Variants in SORCS3 observed in about 807,000 individuals in gnomAD.
SORCS3 encodes the protein VPS10 domain-containing receptor SorCS3.
In SORCS3, 57 loss-of-function variants were observed where a neutral mutation model predicts 146.3. That is an observed-to-expected ratio of 0.39 (90% CI 0.31 to 0.49). The LOEUF is 0.49. Ranked by LOEUF, SORCS3 falls within the 20% of genes least tolerant of loss-of-function variation. The pLI is 0.92. For missense variants in SORCS3, 1,341 were observed against 1,575.5 expected, an observed-to-expected ratio of 0.85 and a Z score of 2.52; for synonymous variants, 653 against 618.5, an observed-to-expected ratio of 1.06 and a Z score of -0.83.
intron 1 of SORCS3, among the ~76,000 whole-genome samples, chr10:104,660,281 T>G (rs1325076924): frequency 1.0e-5 from 1 of 98,456 alleles, no homozygotes; most frequent in Non-Finnish European, 2.1e-5. Flanking sequence ...GTTTTTTAAC[T>G]GAGAGTTTAT....
intron 17 of SORCS3, among the ~76,000 whole-genome samples, chr10:105,212,288 T>A (rs753202429): frequency 3.3e-4 from 51 of 152,318 alleles, no homozygotes; most frequent in Middle Eastern, 3.4e-3. Context: ...GGCTCAAGGA[T>A]CTTTGCTGTT....
At chr10:104,861,168 C>T (rs2018396798) in intron 2 of SORCS3, among the ~76,000 whole-genome samples, 1 of 152,186 alleles carries the variant, frequency 6.6e-6, no homozygotes, top group African/African-American at 2.4e-5. Context: ...AGGGACTTGT[C>T]AAACAGAAGC....
chr10:105,075,109 C>G (rs991958379), intron 5 of SORCS3, among the ~76,000 whole-genome samples: 1 of 152,168 alleles, frequency 6.6e-6, no homozygotes, highest in African/African-American at 2.4e-5. Context: ...AATTAACTCC[C>G]CGAATTCCTC....
intron 2 of SORCS3, among the ~76,000 whole-genome samples, chr10:104,850,444 G>T (rs570747881): frequency 2.6e-5 from 4 of 152,204 alleles, no homozygotes; most frequent in African/African-American, 9.6e-5. Flanking sequence ...AATTAGCCAG[G>T]CATGGCGGCA....
chr10:104,957,179 A>T (rs1208107546), intron 3 of SORCS3, among the ~76,000 whole-genome samples: 1 of 152,200 alleles, frequency 6.6e-6, no homozygotes, highest in Non-Finnish European at 1.5e-5. Flanking sequence ...AAGTGAAGAA[A>T]GCAAGGTGAA....
intron 4 of SORCS3, among the ~76,000 whole-genome samples, chr10:104,989,042 G>T (rs1440131044): frequency 1.3e-5 from 2 of 152,224 alleles, no homozygotes; most frequent in Non-Finnish European, 1.5e-5. Context: ...ATGAAGTGTG[G>T]AACACTTGTG....
At chr10:105,171,619 C>G (rs2056360950) in intron 13 of SORCS3, among the ~76,000 whole-genome samples, 1 of 152,182 alleles carries the variant, frequency 6.6e-6, no homozygotes, top group Non-Finnish European at 1.5e-5. Context: ...CAATACATGT[C>G]TCTGAAAAGC....
chr10:105,024,660 C>T (rs2055215978), intron 4 of SORCS3, among the ~76,000 whole-genome samples: 1 of 152,188 alleles, frequency 6.6e-6, no homozygotes, highest in African/African-American at 2.4e-5. Context: ...CCCCATTCCC[C>T]ACTCATTACC....
intron 1 of SORCS3, among the ~76,000 whole-genome samples, chr10:104,660,635 C>A (rs550535048): frequency 2.0e-5 from 3 of 152,026 alleles, no homozygotes; most frequent in Non-Finnish European, 4.4e-5. Context: ...TTTTCTGAGC[C>A]CTTCACATTT....
chr10:104,713,736 A>T (rs1192888974), intron 1 of SORCS3, among the ~76,000 whole-genome samples: 2 of 152,126 alleles, frequency 1.3e-5, no homozygotes, highest in African/African-American at 4.8e-5. Context: ...CATGAGAGAT[A>T]ATTCGTCTGT....
chr10:104,962,260 T>C lies in SORCS3; in HGVS notation c.796-15075T>C, dbSNP rs895999566. Among the ~76,000 whole-genome samples, 3 of 152,000 alleles carry C rather than the reference T, an allele frequency of 2.0e-5. 1 individual carries two copies. Among genetic ancestry groups the C allele is most frequent in the Non-Finnish European group, 4.4e-5 (3 of 68,010 alleles). ...AGGAATGTTGCAGTAAGCACAGTGA[T>C]TTGAAAAAACTCTGAGGCACAGCTT... On this transcript the variant is annotated intron_variant, in intron 3 of 26. Coordinates refer to ENST00000369701, the MANE Select transcript of SORCS3 (RefSeq NM_014978.3).
chr10:104,726,639 C>T (rs1328003660), intron 1 of SORCS3, among the ~76,000 whole-genome samples: 1 of 151,942 alleles, frequency 6.6e-6, no homozygotes, highest in Middle Eastern at 3.2e-3. Context: ...CTAGTTTGCT[C>T]AATTGCTGTT....
At chr10:104,719,544 T>G (rs1327585373) in intron 1 of SORCS3, among the ~76,000 whole-genome samples, 4 of 152,194 alleles carry the variant, frequency 2.6e-5, no homozygotes, top group African/African-American at 9.7e-5. Context: ...ACTCCATATC[T>G]CTATCTGATC....
intron 1 of SORCS3, among the ~76,000 whole-genome samples, chr10:104,758,239 T>C (rs2017079422): frequency 6.6e-6 from 1 of 152,128 alleles, no homozygotes; most frequent in African/African-American, 2.4e-5. Flanking sequence ...AACTGCTTTG[T>C]TGCGGTGGGT....
intron 1 of SORCS3, among the ~76,000 whole-genome samples, chr10:104,662,487 C>T (rs1438875436): frequency 6.6e-6 from 1 of 152,180 alleles, no homozygotes; most frequent in Non-Finnish European, 1.5e-5. Flanking sequence ...GACAGAGCTG[C>T]AAGTCCCACG....
At chr10:104,692,736 G>T (rs1432113168) in intron 1 of SORCS3, among the ~76,000 whole-genome samples, 1 of 152,204 alleles carries the variant, frequency 6.6e-6, no homozygotes, top group African/African-American at 2.4e-5. Flanking sequence ...GGTTGGGGAA[G>T]TTCAGAAACA....
chr10:104,791,787 G>A (rs2017498302), intron 1 of SORCS3, among the ~76,000 whole-genome samples: 1 of 152,140 alleles, frequency 6.6e-6, no homozygotes, highest in South Asian at 2.1e-4. Context: ...GCAGCCACAG[G>A]CACACAGAAT....
At chr10:104,826,023 G>A (rs2017931361) in intron 1 of SORCS3, among the ~76,000 whole-genome samples, 1 of 152,124 alleles carries the variant, frequency 6.6e-6, no homozygotes, top group South Asian at 2.1e-4. Flanking sequence ...ACTACTGCTT[G>A]TTAATTTCTA....
intron 3 of SORCS3, among the ~76,000 whole-genome samples, chr10:104,957,005 ATATTCTC>A (rs1322227029): frequency 6.6e-6 from 1 of 152,072 alleles, no homozygotes; most frequent in East Asian, 1.9e-4. Flanking sequence ...TGCTAAGAGA[ATATTCTC>A]AATTATCTCT....
Sources: allele counts gnomAD v4.1 joint callset (sites outside exome capture counted in the v4.1 genomes callset), GRCh38; gene constraint gnomAD v4.1.1; transcripts MANE v1.5; gene names NCBI Gene and HGNC (gene_info 2026-07-23, HGNC 2026-07-21).